The following EHD4 variants were observed in gnomAD, a reference collection of about 807,000 sequenced individuals.
EHD4 encodes EH domain-containing protein 4.
EHD4 carries 37 observed loss-of-function variants against 51.0 expected under a neutral mutation model. The observed-to-expected ratio is 0.73, with a 90% CI of 0.56 to 0.95. The LOEUF is 0.95. Among genes scored for constraint, EHD4 ranks in the 40% least tolerant of loss-of-function variants. The pLI, the probability that EHD4 is intolerant of heterozygous loss-of-function variation, is 0.00. For missense variants in EHD4, 632 were observed against 733.1 expected (o/e 0.86, Z 1.59); for synonymous variants, 297 against 317.3 (o/e 0.94, Z 0.68).
intron 3 of EHD4, among the ~76,000 whole-genome samples, chr15:41,920,067 T>C (rs2067614656): frequency 6.6e-6 from 1 of 152,202 alleles, no homozygotes; most frequent in Non-Finnish European, 1.5e-5. Flanking sequence ...CCACCTGGCA[T>C]CCCATGGGGG....
At chr15:41,920,115 T>C (rs2067615055) in intron 3 of EHD4, among the ~76,000 whole-genome samples, 1 of 152,240 alleles carries the variant, frequency 6.6e-6, no homozygotes, top group Non-Finnish European at 1.5e-5. Context: ...TCGCCTTCAA[T>C]TAACCCAAGT....
At chr15:41,938,594 T>G (rs1394105421) in intron 3 of EHD4, among the ~76,000 whole-genome samples, 1 of 152,228 alleles carries the variant, frequency 6.6e-6, no homozygotes, top group Non-Finnish European at 1.5e-5. Context: ...TCTCGAATTT[T>G]CATTTGACAG....
intron 4 of EHD4, 77 bp downstream of exon 4, chr15:41,919,133 C>T (rs909418398): frequency 7.6e-6 from 12 of 1,577,410 alleles, no homozygotes; most frequent in Admixed American, 5.0e-5. Flanking sequence ...GAAGCCTCCT[C>T]CCACCCATCT....
chr15:41,953,083 T>A (rs1595543917), intron 2 of EHD4, among the ~76,000 whole-genome samples: 1 of 148,834 alleles, frequency 6.7e-6, no homozygotes, highest in Non-Finnish European at 1.5e-5. Flanking sequence ...CCTGCTCTGA[T>A]GAATAAGGAA....
chr15:41,924,490 C>T (rs75274840), intron 3 of EHD4, among the ~76,000 whole-genome samples: 3,504 of 152,292 alleles, frequency 0.023, 156 homozygotes, highest in African/African-American at 0.081. Flanking sequence ...ATACGTGAAG[C>T]ATTTAGAATC....
At chr15:41,909,367 C>G (rs905693576) in intron 5 of EHD4, among the ~76,000 whole-genome samples, 2 of 152,214 alleles carry the variant, frequency 1.3e-5, no homozygotes, top group African/African-American at 4.8e-5. Flanking sequence ...ACCCTGAAGG[C>G]CACTCCCAGC....
At chr15:41,905,129 T>C (rs2067504139) in intron 5 of EHD4, among the ~76,000 whole-genome samples, 1 of 152,228 alleles carries the variant, frequency 6.6e-6, no homozygotes, top group African/African-American at 2.4e-5. Context: ...TGTTAGACTT[T>C]AACAGCCTCA....
chr15:41,958,537 T>C (rs892252491), intron 1 of EHD4, among the ~76,000 whole-genome samples: 1 of 152,104 alleles, frequency 6.6e-6, no homozygotes, highest in African/African-American at 2.4e-5. Flanking sequence ...ATTTTTTTTT[T>C]CACTTCATAG....
chr15:41,936,786 C>T (rs752151319), intron 3 of EHD4, among the ~76,000 whole-genome samples: 3 of 152,208 alleles, frequency 2.0e-5, no homozygotes, highest in Non-Finnish European at 4.4e-5. Context: ...GGGCCGGAAG[C>T]AGTAACACTT....
chr15:41,916,414 T>G (rs114047401), intron 4 of EHD4, among the ~76,000 whole-genome samples: 2,753 of 152,068 alleles, frequency 0.018, 72 homozygotes, highest in African/African-American at 0.051. Context: ...TTCCCTCAGG[T>G]GGGAAATGAG....
chr15:41,938,359 C>T (rs937880450), intron 3 of EHD4, among the ~76,000 whole-genome samples: 2 of 152,162 alleles, frequency 1.3e-5, no homozygotes, highest in Non-Finnish European at 1.5e-5. Context: ...TGTATATAGA[C>T]GTTAAAATGG....
intron 4 of EHD4, among the ~76,000 whole-genome samples, chr15:41,910,777 C>G (rs1178845556): frequency 2.0e-5 from 3 of 152,138 alleles, no homozygotes. Context: ...CCATGTTGGC[C>G]AGGCTGGTCT....
At chr15:41,913,983 A>G (rs576494255) in intron 4 of EHD4, among the ~76,000 whole-genome samples, 41 of 152,344 alleles carry the variant, frequency 2.7e-4, no homozygotes, top group Non-Finnish European at 5.3e-4. Flanking sequence ...TTAAATGTAT[A>G]TGAATGTATA....
rs962764656 is a variant in EHD4 at position 41,953,833 on chromosome 15, T to C, written c.344A>G (p.Asn115Ser). The change falls in exon 2 of 6, where the codon AAT becomes AGT. Residue 115 changes from asparagine to serine, a missense_variant. Asn to Ser is a conservative substitution (Grantham distance 46). Transcript: ENST00000220325. ...CTTTTTGGGGTCCACGACTAAAGCA[T>C]TCCCTGGGGTGCTGCCCTCAGTCTC... ...YGETEGSTPGNALVVDPKKPF... is the reference protein window; with the variant it reads ...YGETEGSTPGSALVVDPKKPF... The C allele has an allele frequency of 3.0e-5, 49 of 1,613,924 alleles. 1 individual carries two copies. In the Admixed American group the frequency reaches 7.8e-4, roughly 26 times the overall value.
At chr15:41,912,348 C>A (rs987602980) in intron 4 of EHD4, among the ~76,000 whole-genome samples, 1 of 152,124 alleles carries the variant, frequency 6.6e-6, no homozygotes, top group Non-Finnish European at 1.5e-5. Flanking sequence ...CTTCCTGGTG[C>A]GCCCTAAACA....
At chr15:41,902,812 T>C (rs923491430) in intron 5 of EHD4, among the ~76,000 whole-genome samples, 1 of 138,678 alleles carries the variant, frequency 7.2e-6, no homozygotes, top group African/African-American at 2.6e-5. Context: ...TGTATGTGTA[T>C]ATATATGTAT....
chr15:41,949,972 G>A (rs2067842486), intron 2 of EHD4, among the ~76,000 whole-genome samples: 1 of 152,082 alleles, frequency 6.6e-6, no homozygotes, highest in Non-Finnish European at 1.5e-5. Flanking sequence ...GCAACCTCTG[G>A]AATGTCAACA....
At chr15:41,955,130 T>A (rs1460853125) in intron 1 of EHD4, among the ~76,000 whole-genome samples, 1 of 152,102 alleles carries the variant, frequency 6.6e-6, no homozygotes, top group Non-Finnish European at 1.5e-5. Context: ...GAGAAAAAAA[T>A]CTGCTAATAG....
chr15:41,905,513 G>A (rs1223770319), intron 5 of EHD4, among the ~76,000 whole-genome samples: 1 of 152,194 alleles, frequency 6.6e-6, no homozygotes, highest in African/African-American at 2.4e-5. Flanking sequence ...CAGGGCATGG[G>A]TCACTGACCT....
Sources: allele counts gnomAD v4.1 joint callset (sites outside exome capture counted in the v4.1 genomes callset), GRCh38; gene constraint gnomAD v4.1.1; transcripts MANE v1.5; gene names NCBI Gene and HGNC (gene_info 2026-07-23, HGNC 2026-07-21).